Variants in NOL4L observed in about 807,000 individuals in gnomAD.
NOL4L encodes nucleolar protein 4 like.
NOL4L carries 7 observed loss-of-function variants against 64.5 expected under a neutral mutation model. That is an observed-to-expected ratio of 0.11 (90% confidence interval 0.06 to 0.20). The LOEUF (loss-of-function observed/expected upper bound fraction) is 0.20, where lower values mean the gene tolerates loss of function less well. NOL4L is among the 10% of genes least tolerant of loss of function. The pLI is 1.00. For missense variants in NOL4L, 680 were observed against 967.1 expected (o/e 0.70, Z 3.94); for synonymous variants, 413 against 401.0 (o/e 1.03, Z -0.36).
chr20:32,498,557 G>A (rs1324355149), intron 4 of NOL4L, among the ~76,000 whole-genome samples: 13 of 151,830 alleles, frequency 8.6e-5, no homozygotes, highest in Admixed American at 8.5e-4. Context: ...GAGCCCAGGA[G>A]TTCAAGACCA....
chr20:32,528,141 G>A (rs894589935), intron 1 of NOL4L, among the ~76,000 whole-genome samples: 2 of 152,212 alleles, frequency 1.3e-5, no homozygotes, highest in Admixed American at 6.5e-5. Flanking sequence ...CGGCGACAAC[G>A]AAAATACAAA....
At chr20:32,543,898 G>A (rs1481480891) in intron 1 of NOL4L, among the ~76,000 whole-genome samples, 1 of 152,172 alleles carries the variant, frequency 6.6e-6, no homozygotes, top group African/African-American at 2.4e-5. Context: ...TGAAAAGGGT[G>A]GTGGACAGGG....
intron 4 of NOL4L, among the ~76,000 whole-genome samples, chr20:32,494,078 C>A (rs1051146676): frequency 1.3e-5 from 2 of 151,902 alleles, no homozygotes; most frequent in Non-Finnish European, 2.9e-5. Context: ...CATGGTGAAA[C>A]CTGGTCTCTA....
intron 4 of NOL4L, among the ~76,000 whole-genome samples, chr20:32,508,838 C>A (rs1397654470): frequency 6.6e-6 from 1 of 152,208 alleles, no homozygotes; most frequent in African/African-American, 2.4e-5. Context: ...TCCCCTGATA[C>A]TCATCAGGTG....
chr20:32,479,312 A>T (rs1036480056), intron 4 of NOL4L, among the ~76,000 whole-genome samples: 4 of 152,254 alleles, frequency 2.6e-5, no homozygotes, highest in Non-Finnish European at 5.9e-5. Flanking sequence ...TCAGAGACCC[A>T]AGGTGCTCAC....
At chr20:32,486,400 A>G (rs1366960670) in intron 4 of NOL4L, among the ~76,000 whole-genome samples, 1 of 152,178 alleles carries the variant, frequency 6.6e-6, no homozygotes. Context: ...CGGGGGGACA[A>G]TGCTGCCACA....
At chr20:32,543,747 G>A (rs956176977) in intron 1 of NOL4L, among the ~76,000 whole-genome samples, 10 of 151,908 alleles carry the variant, frequency 6.6e-5, no homozygotes, top group Non-Finnish European at 1.2e-4. Context: ...CCGAGATCTC[G>A]CCACGGCACT....
At chr20:32,546,179 C>G (rs1247145361) in intron 1 of NOL4L, among the ~76,000 whole-genome samples, 1 of 152,128 alleles carries the variant, frequency 6.6e-6, no homozygotes, top group Non-Finnish European at 1.5e-5. Context: ...AACACCTGAC[C>G]TCATGACCTG....
intron 1 of NOL4L, among the ~76,000 whole-genome samples, chr20:32,531,429 T>G (rs2018343961): frequency 6.6e-6 from 1 of 152,096 alleles, no homozygotes; most frequent in Admixed American, 6.5e-5. Flanking sequence ...GAGTGCTCAC[T>G]GCAACCTCTG....
Position 32,443,845 on chromosome 20 carries a change from A to C in NOL4L, c.*3751T>G, listed in dbSNP as rs141853940. On this transcript the variant is annotated 3_prime_UTR_variant, in exon 11 of 11. Coordinates refer to ENST00000621426, the MANE Select transcript of NOL4L (RefSeq NM_001256798.2). ...GCCTTCCCTTTTCCTCTGTCCATGCAGTTACCCACCAGCAGCCAATAAGAG... is the reference window on the plus strand; with the variant it reads ...GCCTTCCCTTTTCCTCTGTCCATGCCGTTACCCACCAGCAGCCAATAAGAG... The C allele has an allele frequency of 6.6e-6, 1 of 152,194 alleles. No individual in the cohort carries two copies. Among genetic ancestry groups the C allele is most frequent in the Non-Finnish European group, 1.5e-5 (1 of 68,074 alleles). 9.4% of individuals were successfully genotyped at this position (152,194 alleles called of 1,614,324 possible). A position where few individuals can be genotyped will look rare whatever the true frequency, so the allele number is the denominator to read the frequency against.
In NOL4L at chr20:32,445,865, T is replaced by C. The variant is rs1323890630; in HGVS notation, c.*1731A>G. ...CTGAGGCAGGATGGGGCATCCTCAC[T>C]GGTGCCCCCCCCATCCCTCCTTGGG... On this transcript the variant is annotated 3_prime_UTR_variant, in exon 11 of 11. Transcript: ENST00000621426. 2.0e-5 allele frequency: 3 copies of C among 147,982 alleles called. No homozygotes were observed. Among genetic ancestry groups the C allele is most frequent in the African/African-American group, 8.0e-5 (3 of 37,288 alleles). The allele number at this position is 147,982 out of a possible 1,614,324, so 9.2% of individuals were successfully genotyped here. A position where few individuals can be genotyped will look rare whatever the true frequency, so the allele number is the denominator to read the frequency against.
intron 4 of NOL4L, among the ~76,000 whole-genome samples, chr20:32,492,459 CT>C (rs1055676964): frequency 2.0e-5 from 3 of 152,318 alleles, no homozygotes; most frequent in Admixed American, 2.0e-4. Context: ...TAGGGTGGTG[CT>C]GATGTTTTGT....
At chr20:32,499,068 G>A (rs1207629376) in intron 4 of NOL4L, among the ~76,000 whole-genome samples, 1 of 152,070 alleles carries the variant, frequency 6.6e-6, no homozygotes, top group East Asian at 1.9e-4. Context: ...TAGTAGAGAC[G>A]GGGCTTCACC....
At chr20:32,572,739 G>A (rs1248413545) in intron 1 of NOL4L, among the ~76,000 whole-genome samples, 2 of 152,108 alleles carry the variant, frequency 1.3e-5, no homozygotes, top group Non-Finnish European at 2.9e-5. Flanking sequence ...TGGGGGCTGG[G>A]GCCCTGTCAA....
intron 4 of NOL4L, 163 bp downstream of exon 4, chr20:32,511,184 T>G: frequency 1.8e-6 from 1 of 558,252 alleles, no homozygotes; most frequent in Non-Finnish European, 3.2e-6. Context: ...AACACATTCT[T>G]GCCTCCCGCC....
intron 4 of NOL4L, among the ~76,000 whole-genome samples, chr20:32,505,143 T>G (rs2017089428): frequency 6.6e-6 from 1 of 152,222 alleles, no homozygotes; most frequent in Non-Finnish European, 1.5e-5. Context: ...AAGAACCCCA[T>G]GAGTCAGCAC....
chr20:32,466,125 G>A (rs1325588103), intron 5 of NOL4L, among the ~76,000 whole-genome samples: 2 of 151,886 alleles, frequency 1.3e-5, no homozygotes, highest in African/African-American at 2.4e-5. Context: ...CCATCACCAC[G>A]CCCAGCTAAT....
At chr20:32,529,888 CG>C (rs2018281807) in intron 1 of NOL4L, among the ~76,000 whole-genome samples, 1 of 152,222 alleles carries the variant, frequency 6.6e-6, no homozygotes, top group Non-Finnish European at 1.5e-5. Flanking sequence ...TCAACCTCCC[CG>C]AGCTTCATTT....
At chr20:32,553,616 C>T (rs1322054411) in intron 1 of NOL4L, among the ~76,000 whole-genome samples, 1 of 152,110 alleles carries the variant, frequency 6.6e-6, no homozygotes, top group Non-Finnish European at 1.5e-5. Flanking sequence ...GGTCTGTCTC[C>T]CCACCCCCAA....
Sources: allele counts gnomAD v4.1 joint callset (sites outside exome capture counted in the v4.1 genomes callset), GRCh38; gene constraint gnomAD v4.1.1; transcripts MANE v1.5; gene names NCBI Gene and HGNC (gene_info 2026-07-23, HGNC 2026-07-21).